The following GPR19 variants were observed in gnomAD, a reference collection of about 807,000 sequenced individuals.
GPR19 encodes probable G protein-coupled receptor 19.
A neutral mutation model predicts 28.5 loss-of-function variants in GPR19; 14 were observed. That is an observed-to-expected ratio of 0.49 (90% CI 0.32 to 0.77). The LOEUF (loss-of-function observed/expected upper bound fraction) is 0.77, where lower values mean the gene tolerates loss of function less well. Ranked by LOEUF, GPR19 falls within the 30% of genes least tolerant of loss-of-function variation. The probability of loss-of-function intolerance (pLI) is 0.03; values close to 1 mark genes in which losing one functional copy is unlikely to be tolerated. For synonymous variants in GPR19, 173 were observed against 184.1 expected, an observed-to-expected ratio of 0.94 and a Z score of 0.49; for missense variants, 409 against 504.1, an observed-to-expected ratio of 0.81 and a Z score of 1.81.
At chr12:12,678,648 T>A (rs1182877616) in intron 3 of GPR19, among the ~76,000 whole-genome samples, 1 of 152,214 alleles carries the variant, frequency 6.6e-6, no homozygotes, top group Non-Finnish European at 1.5e-5. Flanking sequence ...CTGCCCCCAA[T>A]TTGAAGATTT....
At chr12:12,685,905 A>T (rs554694175) in intron 2 of GPR19, among the ~76,000 whole-genome samples, 8 of 152,368 alleles carry the variant, frequency 5.3e-5, no homozygotes, top group Admixed American at 2.0e-4. Flanking sequence ...ATTGGGAGAT[A>T]CTTTAGAGCC....
intron 3 of GPR19, among the ~76,000 whole-genome samples, chr12:12,678,705 T>G (rs1592261394): frequency 6.6e-6 from 1 of 152,254 alleles, no homozygotes; most frequent in Non-Finnish European, 1.5e-5. Context: ...GTACATTTTA[T>G]TTCACTTTAT....
chr12:12,663,023 C>T (rs1945703076), intron 3 of GPR19, among the ~76,000 whole-genome samples: 1 of 151,464 alleles, frequency 6.6e-6, no homozygotes, highest in Non-Finnish European at 1.5e-5. Flanking sequence ...GATTTTCCAT[C>T]ACAGAAGGAT....
intron 3 of GPR19, among the ~76,000 whole-genome samples, chr12:12,683,306 C>G (rs1486400799): frequency 6.6e-6 from 1 of 152,186 alleles, no homozygotes; most frequent in Non-Finnish European, 1.5e-5. Flanking sequence ...CTTTGGGGAT[C>G]TGTTTTAGCA....
intron 2 of GPR19, among the ~76,000 whole-genome samples, chr12:12,692,309 T>C (rs1946193237): frequency 6.6e-6 from 1 of 152,230 alleles, no homozygotes; most frequent in African/African-American, 2.4e-5. Context: ...CCTTTAGCTT[T>C]TCCCTGCTGA....
chr12:12,662,256 C>A lies in GPR19; in HGVS notation c.193G>T (p.Val65Leu), dbSNP rs762830571. ...CCAAAGAAGATGCTGGCTGTGGCCA[C>A]TTCCCCGGGTTTCAGCACATAGTGA... ...DLHYVLKPGE[V>L]ATASIFFGIL... Residue 65 changes from valine to leucine, a missense_variant, in exon 4 of 4, where the codon GTG becomes TTG. By Grantham distance (32) the Val-to-Leu change is conservative. Transcript: ENST00000651487. 1 of 1,614,246 alleles carries A rather than the reference C, an allele frequency of 6.2e-7. No homozygotes were observed. Among genetic ancestry groups the A allele is most frequent in the Non-Finnish European group, 8.5e-7 (1 of 1,180,034 alleles).
Position 12,667,433 on chromosome 12 carries a change from G to A in GPR19, c.-22-4963C>T, listed in dbSNP as rs554550772. Among the ~76,000 whole-genome samples, 402 of 152,298 alleles carry A rather than the reference G, an allele frequency of 2.6e-3. 2 individuals are homozygous for A. Among genetic ancestry groups the A allele is most frequent in the African/African-American group, 9.2e-3 (382 of 41,552 alleles). ...GGGCCAGGCATGGTGGCTCATACCT[G>A]TAACCCTAGCACTTTGGGAGGCTGA... On this transcript the variant is annotated intron_variant, in intron 3 of 3. Coordinates refer to ENST00000651487, the MANE Select transcript of GPR19 (RefSeq NM_006143.3).
chr12:12,689,825 T>A (rs1946157649), intron 2 of GPR19, among the ~76,000 whole-genome samples: 1 of 152,212 alleles, frequency 6.6e-6, no homozygotes, highest in Non-Finnish European at 1.5e-5. Flanking sequence ...CTTGGATTAC[T>A]TACTCTGGGC....
rs949381948 is a variant in GPR19 at position 12,664,936 on chromosome 12, AAAAAAAAAAAG to A, written c.-22-2477_-22-2467del. 4.0e-5 allele frequency among the ~76,000 whole-genome samples: 6 copies of A among 148,284 alleles called. No individual in the cohort carries two copies. The South Asian group carries it at 6.6e-4, about 16-fold the overall frequency. On this transcript the variant is annotated intron_variant, in intron 3 of 3. Coordinates refer to ENST00000651487, the MANE Select transcript of GPR19 (RefSeq NM_006143.3). ...CGCCATCTCAAAAAAAAAAAAAAAA[AAAAAAAAAAAG>A]AAATCAGGACATAAGATCTAAAATT...
At chr12:12,691,610 G>A (rs1592269223) in intron 2 of GPR19, among the ~76,000 whole-genome samples, 5 of 151,908 alleles carry the variant, frequency 3.3e-5, no homozygotes, top group East Asian at 1.9e-4. Flanking sequence ...CTACTTATAC[G>A]ATTGCATATG....
At chr12:12,711,750 G>A in the GPR19 span, among the ~76,000 whole-genome samples, 2 of 152,212 alleles carry the variant, frequency 1.3e-5, no homozygotes, top group African/African-American at 4.8e-5. Context: ...CTCCTTTTCT[G>A]TTACCTCTCT....
At chr12:12,708,061 G>A in the GPR19 span, among the ~76,000 whole-genome samples, 7 of 136,062 alleles carry the variant, frequency 5.1e-5, no homozygotes, top group South Asian at 1.6e-3. Context: ...GTGCAGTGGC[G>A]TGATCACAGC....
chr12:12,716,101 C>A, the GPR19 span, among the ~76,000 whole-genome samples: 2 of 152,230 alleles, frequency 1.3e-5, no homozygotes, highest in Non-Finnish European at 2.9e-5. Flanking sequence ...TGTCTCAGGG[C>A]AGCCCTGCTC....
chr12:12,662,944 G>A (rs1034101012), intron 3 of GPR19, among the ~76,000 whole-genome samples: 6 of 152,250 alleles, frequency 3.9e-5, no homozygotes, highest in Non-Finnish European at 7.3e-5. Context: ...GACTATGGAA[G>A]TAGCTAACAG....
the GPR19 span, among the ~76,000 whole-genome samples, chr12:12,711,550 G>A: frequency 1.3e-5 from 2 of 152,076 alleles, no homozygotes. Flanking sequence ...TCATCATAAA[G>A]CCACACCTAA....
intron 2 of GPR19, among the ~76,000 whole-genome samples, chr12:12,693,272 G>A (rs955066023): frequency 3.9e-5 from 6 of 152,136 alleles, no homozygotes; most frequent in African/African-American, 1.2e-4. Flanking sequence ...ATAGGCTACC[G>A]GAAAACACTT....
At chr12:12,683,145 T>G (rs1946046505) in intron 3 of GPR19, among the ~76,000 whole-genome samples, 1 of 152,210 alleles carries the variant, frequency 6.6e-6, no homozygotes, top group South Asian at 2.1e-4. Flanking sequence ...GATTTCTTTT[T>G]TCTTGAGACA....
At chr12:12,707,673 T>A in the GPR19 span, among the ~76,000 whole-genome samples, 10 of 152,314 alleles carry the variant, frequency 6.6e-5, no homozygotes, top group Admixed American at 1.3e-4. Context: ...TAGTTGAATG[T>A]GGTGGATTGG....
chr12:12,716,678 A>C, the GPR19 span: 4 of 810,334 alleles, frequency 4.9e-6, no homozygotes, highest in East Asian at 1.3e-4. Context: ...GTTCATGATA[A>C]GTGCCGCGTC....
Sources: gnomAD v4.1 joint callset for allele counts (sites outside exome capture counted in the v4.1 genomes callset) on GRCh38, gnomAD v4.1.1 for gene constraint, MANE v1.5 for transcripts, NCBI Gene and HGNC (gene_info 2026-07-23, HGNC 2026-07-21) for gene names.